The following ANTXRL variants were observed in gnomAD, a reference collection of about 807,000 sequenced individuals.
ANTXRL encodes the protein anthrax toxin receptor-like.
In ANTXRL, 63 loss-of-function variants were observed where a neutral mutation model predicts 75.4. The ratio of observed to expected loss-of-function variants is 0.84; its 90% CI spans 0.68 to 1.03. ANTXRL has a LOEUF of 1.03. Among genes scored for constraint, ANTXRL ranks in the 50% least tolerant of loss-of-function variants. The pLI, the probability that ANTXRL is intolerant of heterozygous loss-of-function variation, is 0.00. For synonymous variants in ANTXRL, 335 were observed against 291.3 expected (o/e 1.15, Z -1.53); for missense variants, 797 against 789.4 (o/e 1.01, Z -0.12).
chr10:46,329,235 C>T (rs1839370270), intron 16 of ANTXRL, among the ~76,000 whole-genome samples: 1 of 152,162 alleles, frequency 6.6e-6, no homozygotes, highest in Non-Finnish European at 1.5e-5. Flanking sequence ...CTGTGGTGAG[C>T]ACTCATCCCT....
At chr10:46,297,379 C>G in intron 6 of ANTXRL, 27 bp from the exon 7 acceptor site, 1 of 1,536,038 alleles carries the variant, frequency 6.5e-7, no homozygotes, top group Non-Finnish European at 8.7e-7. Context: ...TTTTGATGAC[C>G]AATATGCAAT....
At chr10:46,295,072 C>T (rs572770855) in intron 3 of ANTXRL, among the ~76,000 whole-genome samples, 5 of 152,284 alleles carry the variant, frequency 3.3e-5, no homozygotes, top group East Asian at 1.9e-4. Flanking sequence ...CCGGCCAGTC[C>T]GCAGATCAGT....
At chr10:46,317,489 C>T (rs1025255057) in intron 16 of ANTXRL, among the ~76,000 whole-genome samples, 1 of 152,180 alleles carries the variant, frequency 6.6e-6, no homozygotes, top group Admixed American at 6.5e-5. Context: ...GACCATGGAG[C>T]TCCTGAGTTC....
intron 3 of ANTXRL, 133 bp from the exon 4 acceptor site, chr10:46,295,886 C>T: frequency 1.3e-6 from 1 of 750,258 alleles, no homozygotes; most frequent in Non-Finnish European, 2.3e-6. Context: ...ATGAGGAGGA[C>T]AAAGCCCTTG....
At chr10:46,296,671 C>T (rs1233618327) in intron 5 of ANTXRL, among the ~76,000 whole-genome samples, 1 of 152,170 alleles carries the variant, frequency 6.6e-6, no homozygotes, top group Non-Finnish European at 1.5e-5. Flanking sequence ...ACTTCCCTCC[C>T]CACTGTGTTG....
intron 10 of ANTXRL, 116 bp downstream of exon 10, chr10:46,302,936 T>A (rs1837843380): frequency 1.2e-6 from 1 of 812,688 alleles, no homozygotes; most frequent in South Asian, 1.7e-5. Flanking sequence ...CCCTGTGGGG[T>A]TAGAGGCCAT....
intron 16 of ANTXRL, among the ~76,000 whole-genome samples, chr10:46,318,209 T>A (rs1554965000): frequency 3.3e-5 from 5 of 152,170 alleles, no homozygotes; most frequent in African/African-American, 1.2e-4. Context: ...TTTACTGGAA[T>A]GTTTTGCAAT....
intron 16 of ANTXRL, among the ~76,000 whole-genome samples, chr10:46,320,717 G>A (rs1052285491): frequency 2.0e-5 from 3 of 152,142 alleles, no homozygotes; most frequent in Non-Finnish European, 4.4e-5. Context: ...GGGGTACACA[G>A]GGAGTCTTTG....
At chr10:46,324,449 C>T (rs1366436850) in intron 16 of ANTXRL, among the ~76,000 whole-genome samples, 3 of 152,102 alleles carry the variant, frequency 2.0e-5, no homozygotes, top group East Asian at 1.9e-4. Flanking sequence ...TATTAATTAG[C>T]TGTAGATCTT....
chr10:46,317,070 T>C (rs991934327), intron 16 of ANTXRL, among the ~76,000 whole-genome samples: 1 of 152,184 alleles, frequency 6.6e-6, no homozygotes, highest in Non-Finnish European at 1.5e-5. Context: ...AATAACTGAG[T>C]AAATAATTAT....
chr10:46,294,068 C>T, intron 3 of ANTXRL, 168 bp downstream of exon 3: 1 of 613,296 alleles, frequency 1.6e-6, no homozygotes, highest in South Asian at 2.0e-5. Context: ...GGCTCCCCTG[C>T]ATCCTCCTAC....
At chr10:46,310,153 T>C (rs76512547) in intron 13 of ANTXRL, among the ~76,000 whole-genome samples, 24,847 of 151,928 alleles carry the variant, frequency 0.16, 1,794 homozygotes, top group Middle Eastern at 0.2. Flanking sequence ...GTCTTCTCCA[T>C]GTGGCTGTGG....
In ANTXRL at chr10:46,313,307, C is replaced by T; in HGVS notation, c.1401C>T (p.Ser467=). The change falls in exon 16 of 17, where the codon AGC becomes AGT. Residue 467 remains serine, a synonymous_variant. Coordinates refer to ENST00000620264, the MANE Select transcript of ANTXRL (RefSeq NM_001278688.3). The part of the protein sequence containing the change: ...CHQVPWMCCQ[S]RDQGRYLSLA... ...AGGTGCCATGGATGTGTTGTCAGAG[C>T]AGGGACCAGGTGAGCTAGGGCACAG... The T allele has an allele frequency of 6.5e-7, 1 of 1,535,898 alleles. No homozygotes were observed. Among genetic ancestry groups the T allele is most frequent in the African/African-American group, 1.4e-5 (1 of 73,138 alleles).
At chr10:46,309,466 G>A (rs1439300622) in intron 13 of ANTXRL, among the ~76,000 whole-genome samples, 1 of 152,192 alleles carries the variant, frequency 6.6e-6, no homozygotes, top group Non-Finnish European at 1.5e-5. Flanking sequence ...GGCCTGCCCT[G>A]GCTCCTAGAG....
In ANTXRL at chr10:46,310,080, G is replaced by A. The variant is rs1199890749; in HGVS notation, c.1135-381G>A. ...CCGGGACTCAGCCATGAGGCTGGGA[G>A]GTCAGGGAGGGCTCCTGTAGACAGA... On this transcript the variant is annotated intron_variant, in intron 13 of 16. Transcript: ENST00000620264. 4.0e-4 allele frequency among the ~76,000 whole-genome samples: 61 copies of A among 152,282 alleles called. 1 individual carries two copies. The Middle Eastern group carries it at 0.01, about 25-fold the overall frequency.
At chr10:46,327,627 A>C (rs1243306150) in intron 16 of ANTXRL, among the ~76,000 whole-genome samples, 2 of 152,080 alleles carry the variant, frequency 1.3e-5, no homozygotes, top group African/African-American at 4.8e-5. Context: ...TAAGAGAGAG[A>C]CCATCTCTGT....
In ANTXRL at chr10:46,296,142, C is replaced by A. The variant is rs1285466900; in HGVS notation, c.474+42C>A. 3 of 1,534,372 alleles carry A rather than the reference C, an allele frequency of 2.0e-6. No homozygotes were observed. The South Asian group carries it at 3.6e-5, about 18-fold the overall frequency. ...CTCCTAACCCTAACCCTAACCCTAA[C>A]CCTAACCTACAAAATCTTAGAGCAT... On this transcript the variant is annotated intron_variant, in intron 4 of 16. Transcript: ENST00000620264.
At chr10:46,306,570 C>T (rs1204715176) in intron 10 of ANTXRL, among the ~76,000 whole-genome samples, 25 of 152,008 alleles carry the variant, frequency 1.6e-4, no homozygotes, top group African/African-American at 6.1e-4. Context: ...CGTGCAATCC[C>T]TAAAGGTGAG....
chr10:46,297,784 A>G (rs1554959329), intron 7 of ANTXRL, 47 bp from the exon 8 acceptor site: 3 of 1,481,834 alleles, frequency 2.0e-6, no homozygotes, highest in East Asian at 2.5e-5. Flanking sequence ...GGTCTGCTGC[A>G]TCCTCACCTC....
Sources: gnomAD v4.1 joint callset for allele counts (sites outside exome capture counted in the v4.1 genomes callset) on GRCh38, gnomAD v4.1.1 for gene constraint, MANE v1.5 for transcripts, NCBI Gene and HGNC (gene_info 2026-07-23, HGNC 2026-07-21) for gene names.